The following MITF variants were observed in gnomAD, a reference collection of about 807,000 sequenced individuals.
The protein encoded by MITF is melanocyte inducing transcription factor, also known as microphthalmia-associated transcription factor.
A neutral mutation model predicts 60.5 loss-of-function variants in MITF; 17 were observed. The observed-to-expected ratio is 0.28, with a 90% CI of 0.19 to 0.42. MITF has a LOEUF of 0.42. Ranked by LOEUF, MITF falls within the 10% of genes least tolerant of loss-of-function variation. MITF has a pLI of 1.00. For missense variants in MITF, 622 were observed against 683.5 expected, an observed-to-expected ratio of 0.91 and a Z score of 1.00; for synonymous variants, 260 against 248.5, an observed-to-expected ratio of 1.05 and a Z score of -0.43.
chr3:69,913,543 T>C (rs922310773), intron 2 of MITF, among the ~76,000 whole-genome samples: 12 of 152,152 alleles, frequency 7.9e-5, no homozygotes, highest in South Asian at 4.1e-4. Flanking sequence ...TGGTGCACAG[T>C]TGAGTTTGCA....
chr3:69,936,922 G>A, intron 2 of MITF: 2 of 494,436 alleles, frequency 4.0e-6, no homozygotes, highest in Non-Finnish European at 6.9e-6. Flanking sequence ...ATGTAGTTTT[G>A]AACAAAGTAA....
intron 1 of MITF, among the ~76,000 whole-genome samples, chr3:69,768,749 T>A (rs1171700225): frequency 2.0e-5 from 3 of 152,176 alleles, no homozygotes; most frequent in Non-Finnish European, 4.4e-5. Context: ...CTAATAGAAA[T>A]CTTCCTCACA....
intron 1 of MITF, among the ~76,000 whole-genome samples, chr3:69,747,724 C>T (rs1298191748): frequency 6.6e-6 from 1 of 152,174 alleles, no homozygotes. Context: ...ATAAACCTAA[C>T]CCTGGACTAA....
At chr3:69,815,797 G>A (rs62251030) in intron 1 of MITF, among the ~76,000 whole-genome samples, 24,896 of 152,136 alleles carry the variant, frequency 0.16, 2,200 homozygotes, top group South Asian at 0.21. Flanking sequence ...ATGTTATGCT[G>A]TGTGTCTCTG....
At chr3:69,785,181 T>G (rs973295437) in intron 1 of MITF, among the ~76,000 whole-genome samples, 1 of 152,140 alleles carries the variant, frequency 6.6e-6, no homozygotes, top group African/African-American at 2.4e-5. Context: ...CTGCGGGCAC[T>G]TGAACATTCT....
chr3:69,874,469 T>G (rs1323793117), intron 1 of MITF, among the ~76,000 whole-genome samples: 2 of 152,220 alleles, frequency 1.3e-5, no homozygotes, highest in Non-Finnish European at 1.5e-5. Context: ...CATGTTTCAG[T>G]CATTGTGCTA....
chr3:69,823,249 T>C (rs778562330), intron 1 of MITF, among the ~76,000 whole-genome samples: 1 of 152,224 alleles, frequency 6.6e-6, no homozygotes, highest in Non-Finnish European at 1.5e-5. Flanking sequence ...CAGCATATAG[T>C]TGGATTTTGA....
At chr3:69,783,716 T>C (rs1345174714) in intron 1 of MITF, among the ~76,000 whole-genome samples, 3 of 152,116 alleles carry the variant, frequency 2.0e-5, no homozygotes, top group Non-Finnish European at 2.9e-5. Flanking sequence ...TTTGTTCGTG[T>C]ATGTGTATTT....
chr3:69,947,625 A>G (rs181425104), intron 5 of MITF, among the ~76,000 whole-genome samples: 171 of 152,288 alleles, frequency 1.1e-3, no homozygotes, highest in Non-Finnish European at 2.0e-3. Context: ...TATGTGTATT[A>G]GGTTTTATGC....
chr3:69,921,913 G>A lies in MITF; in HGVS notation c.355-15909G>A, dbSNP rs567180871. 9.9e-5 allele frequency among the ~76,000 whole-genome samples: 15 copies of A among 152,250 alleles called. No individual in the cohort carries two copies. The South Asian group carries it at 2.5e-3, about 25-fold the overall frequency. On this transcript the variant is annotated intron_variant, in intron 2 of 9. Coordinates refer to ENST00000352241, the MANE Select transcript of MITF (RefSeq NM_001354604.2). ...GCATCGTAGGATGTTTAGCATCACC[G>A]CTGGACTCTCGCATACTGGATGCCG...
intron 1 of MITF, among the ~76,000 whole-genome samples, chr3:69,792,706 T>G (rs1254234808): frequency 6.6e-6 from 1 of 152,158 alleles, no homozygotes; most frequent in East Asian, 1.9e-4. Flanking sequence ...TATTGGCATC[T>G]CTCCAAATCA....
intron 2 of MITF, among the ~76,000 whole-genome samples, chr3:69,924,679 G>A (rs530326018): frequency 2.5e-4 from 38 of 152,186 alleles, no homozygotes; most frequent in African/African-American, 7.7e-4. Flanking sequence ...AATCTGTCTC[G>A]TAGTTTGTTC....
chr3:69,809,534 C>T (rs1013294786), intron 1 of MITF, among the ~76,000 whole-genome samples: 1 of 151,604 alleles, frequency 6.6e-6, no homozygotes, highest in African/African-American at 2.4e-5. Context: ...GGCTGTTGCT[C>T]ATATTAAAGT....
At chr3:69,883,565 G>T (rs2064538241) in intron 2 of MITF, among the ~76,000 whole-genome samples, 1 of 152,184 alleles carries the variant, frequency 6.6e-6, no homozygotes, top group Non-Finnish European at 1.5e-5. Context: ...AAATGTGTGT[G>T]GAGTTACAGG....
chr3:69,781,641 A>C (rs933332081), intron 1 of MITF, among the ~76,000 whole-genome samples: 8 of 152,168 alleles, frequency 5.3e-5, no homozygotes, highest in Admixed American at 3.3e-4. Flanking sequence ...TCAAATTCTC[A>C]TTAGATTTTG....
intron 1 of MITF, among the ~76,000 whole-genome samples, chr3:69,792,998 CTTTTTTTTTTTTTT>C (rs58440406): frequency 1.9e-4 from 6 of 31,092 alleles, no homozygotes; most frequent in African/African-American, 4.9e-4. Context: ...AAGTCTTTAG[CTTTTTTTTTTTTTT>C]TTTTTTTTTT....
At chr3:69,802,681 T>A (rs926419930) in intron 1 of MITF, among the ~76,000 whole-genome samples, 4 of 134,324 alleles carry the variant, frequency 3.0e-5, no homozygotes, top group Non-Finnish European at 6.2e-5. Flanking sequence ...ACAGTCCATA[T>A]TCTTTTTTTT....
At chr3:69,953,696 CAG>C (rs2066324704) in intron 7 of MITF, among the ~76,000 whole-genome samples, 1 of 139,528 alleles carries the variant, frequency 7.2e-6, no homozygotes, top group Admixed American at 7.2e-5. Flanking sequence ...GAGACAGAGA[CAG>C]AGACAGAGAC....
intron 6 of MITF, among the ~76,000 whole-genome samples, chr3:69,950,322 C>T (rs944865125): frequency 9.9e-5 from 15 of 151,254 alleles, no homozygotes; most frequent in Non-Finnish European, 1.9e-4. Flanking sequence ...AACAAAACAA[C>T]AACAACAACA....
Sources: allele counts gnomAD v4.1 joint callset (sites outside exome capture counted in the v4.1 genomes callset), GRCh38; gene constraint gnomAD v4.1.1; transcripts MANE v1.5; gene names NCBI Gene and HGNC (gene_info 2026-07-23, HGNC 2026-07-21).